The following IL12RB2 variants were observed in gnomAD, a reference collection of about 807,000 sequenced individuals.
The protein encoded by IL12RB2 is interleukin-12 receptor subunit beta-2.
A neutral mutation model predicts 89.4 loss-of-function variants in IL12RB2; 82 were observed. The observed-to-expected ratio is 0.92, with a 90% CI of 0.77 to 1.10. The LOEUF is 1.10. Ranked by LOEUF, IL12RB2 falls within the 50% of genes least tolerant of loss-of-function variation. The pLI, the probability that IL12RB2 is intolerant of heterozygous loss-of-function variation, is 0.00. For missense variants in IL12RB2, 963 were observed against 1,031.9 expected (o/e 0.93, Z 0.92); for synonymous variants, 368 against 370.1 (o/e 0.99, Z 0.07).
chr1:67,379,874 A>G, intron 13 of IL12RB2, 112 bp from the exon 14 acceptor site: 1 of 891,004 alleles, frequency 1.1e-6, no homozygotes, highest in Non-Finnish European at 1.9e-6. Flanking sequence ...AAATAGCAAA[A>G]TGCTTTTTCC....
chr1:67,347,995 T>C (rs1489264032), intron 9 of IL12RB2, among the ~76,000 whole-genome samples: 2 of 152,150 alleles, frequency 1.3e-5, no homozygotes, highest in Admixed American at 1.3e-4. Flanking sequence ...AAATGGGACA[T>C]TAGACATAAA....
At chr1:67,386,491 A>G in intron 14 of IL12RB2, 88 bp from the exon 15 acceptor site, 1 of 889,514 alleles carries the variant, frequency 1.1e-6, no homozygotes, top group Admixed American at 1.7e-5. Flanking sequence ...AACTGTGGGT[A>G]AGGCCCAGAG....
chr1:67,376,792 C>T (rs60934365), intron 13 of IL12RB2, among the ~76,000 whole-genome samples: 29,227 of 152,060 alleles, frequency 0.19, 3,366 homozygotes, highest in African/African-American at 0.3. Context: ...TATCTCATTT[C>T]ACTCCCAGAG....
chr1:67,358,479 G>T (rs1180519734), intron 10 of IL12RB2, among the ~76,000 whole-genome samples: 1 of 152,118 alleles, frequency 6.6e-6, no homozygotes, highest in Non-Finnish European at 1.5e-5. Flanking sequence ...TGGAGGCTGA[G>T]GCAGGAGAAT....
At chr1:67,385,774 T>C (rs12134497) in intron 14 of IL12RB2, among the ~76,000 whole-genome samples, 71,119 of 152,158 alleles carry the variant, frequency 0.47, 18,805 homozygotes, top group Non-Finnish European at 0.58. Flanking sequence ...AGGCTTATGC[T>C]ATACTTTGCT....
intron 13 of IL12RB2, among the ~76,000 whole-genome samples, chr1:67,374,064 A>G (rs1663663978): frequency 6.6e-6 from 1 of 152,214 alleles, no homozygotes; most frequent in Non-Finnish European, 1.5e-5. Flanking sequence ...GTCTTCCAGA[A>G]AAAAACAATT....
intron 2 of IL12RB2, among the ~76,000 whole-genome samples, chr1:67,315,390 G>A (rs1655629102): frequency 1.3e-5 from 2 of 152,026 alleles, no homozygotes; most frequent in Admixed American, 6.6e-5. Flanking sequence ...GATATCTTTT[G>A]CAGTTAGGAA....
rs940738586 is a variant in IL12RB2 at position 67,370,625 on chromosome 1, G to A, written c.1460-1811G>A. 6.6e-5 allele frequency among the ~76,000 whole-genome samples: 10 copies of A among 152,310 alleles called. No homozygotes were observed. In the South Asian group the frequency reaches 1.9e-3, roughly 28 times the overall value. On this transcript the variant is annotated intron_variant, in intron 11 of 16. Transcript: ENST00000674203. ...AGGTATGTATGTATGTATGGGAGTG[G>A]TGGGAAATGAGTCGGAAATTGCGGC...
intron 6 of IL12RB2, 107 bp downstream of exon 6, chr1:67,328,491 G>T: frequency 1.9e-6 from 3 of 1,579,806 alleles, no homozygotes; most frequent in Non-Finnish European, 1.7e-6. Flanking sequence ...ATGGAAATTG[G>T]CCAACAGGCA....
chr1:67,329,678 A>G lies in IL12RB2; in HGVS notation c.756A>G (p.Val252=). 6.3e-7 allele frequency: 1 copy of G among 1,598,262 alleles called. No homozygotes were observed. The highest frequency in any genetic ancestry group is 8.6e-7 in the Non-Finnish European group (1 of 1,165,504). ...CTLYWRDEGL[V]LLNRLRYRPS... ...TTTATTGGAGAGATGAGGGACTGGT[A>G]CTGCTTAATCGACTCAGATATCGGC... Residue 252 remains valine, a synonymous_variant, in exon 7 of 17, where the codon GTA becomes GTG. Transcript: ENST00000674203.
At chr1:67,343,942 G>A (rs1471475248) in intron 9 of IL12RB2, among the ~76,000 whole-genome samples, 1 of 152,206 alleles carries the variant, frequency 6.6e-6, no homozygotes, top group Non-Finnish European at 1.5e-5. Context: ...ACACTGTACT[G>A]CATAGCTGGG....
chr1:67,318,592 G>T (rs185540773), intron 2 of IL12RB2, among the ~76,000 whole-genome samples: 14 of 152,254 alleles, frequency 9.2e-5, no homozygotes, highest in Admixed American at 1.3e-4. Context: ...TGAGAAAAAG[G>T]TTAGAATCAA....
At position 67,396,002 on chromosome 1, in the gene IL12RB2, A is replaced by G; in HGVS notation, c.2502A>G (p.Ser834=). Residue 834 remains serine (S), a synonymous_variant, in exon 17 of 17, where the codon TCA becomes TCG. Transcript: ENST00000674203. ...ACATCTCCCTTTCTGTTTTCCCCTC[A>G]AGTTCTCTTCACCCACTCACCTTCT... is the stretch of plus-strand genomic sequence containing the variant. The part of the protein sequence containing the change: ...PQHISLSVFP[S]SSLHPLTFSC... 1.2e-6 allele frequency: 2 copies of G among 1,605,646 alleles called. No individual in the cohort carries two copies. The highest frequency in any genetic ancestry group is 1.7e-6 in the Non-Finnish European group (2 of 1,172,232).
intron 11 of IL12RB2, among the ~76,000 whole-genome samples, chr1:67,370,530 G>A (rs116567399): frequency 0.016 from 2,484 of 152,228 alleles, 56 homozygotes; most frequent in African/African-American, 0.057. Flanking sequence ...GGTGAAATTA[G>A]CTTTCTGCAG....
intron 9 of IL12RB2, among the ~76,000 whole-genome samples, chr1:67,340,660 G>A (rs1659422722): frequency 6.6e-6 from 1 of 152,370 alleles, no homozygotes; most frequent in East Asian, 1.9e-4. Flanking sequence ...GACAGTGAAA[G>A]CTCCATGCCT....
At chr1:67,346,172 G>A (rs1009474920) in intron 9 of IL12RB2, among the ~76,000 whole-genome samples, 1 of 152,160 alleles carries the variant, frequency 6.6e-6, no homozygotes, top group Non-Finnish European at 1.5e-5. Context: ...CTTGGGCAAA[G>A]TGCTTAAACT....
chr1:67,386,874 A>T (rs112186748), intron 15 of IL12RB2, among the ~76,000 whole-genome samples: 655 of 15,508 alleles, frequency 0.042, no homozygotes, highest in Non-Finnish European at 0.085. Flanking sequence ...AATGTATTTT[A>T]TATATATATA....
At chr1:67,373,311 T>G (rs1663575274) in intron 13 of IL12RB2, among the ~76,000 whole-genome samples, 1 of 152,312 alleles carries the variant, frequency 6.6e-6, no homozygotes, top group African/African-American at 2.4e-5. Flanking sequence ...AGTCTCCCTG[T>G]GTTGTCCAGG....
At chr1:67,360,480 G>T (rs1288880341) in intron 10 of IL12RB2, among the ~76,000 whole-genome samples, 2 of 151,806 alleles carry the variant, frequency 1.3e-5, no homozygotes, top group Non-Finnish European at 2.9e-5. Context: ...CAGTGGGAGG[G>T]AAAAAGGAAC....
Sources: gnomAD v4.1 joint callset for allele counts (sites outside exome capture counted in the v4.1 genomes callset) on GRCh38, gnomAD v4.1.1 for gene constraint, MANE v1.5 for transcripts, NCBI Gene and HGNC (gene_info 2026-07-23, HGNC 2026-07-21) for gene names.